Variants in PARD3 observed in about 807,000 individuals in gnomAD.
The protein encoded by PARD3 is partitioning defective 3 homolog.
Under a neutral mutation model 155.4 loss-of-function variants are expected in PARD3, and 75 were observed. The observed-to-expected ratio is 0.48, with a 90% CI of 0.40 to 0.58. The LOEUF (loss-of-function observed/expected upper bound fraction) is 0.58. PARD3 is among the 20% of genes least tolerant of loss of function. PARD3 has a pLI of 0.00. For missense variants in PARD3, 1,642 were observed against 1,721.7 expected, an observed-to-expected ratio of 0.95 and a Z score of 0.82; for synonymous variants, 576 against 610.5, an observed-to-expected ratio of 0.94 and a Z score of 0.83.
chr10:34,750,873 G>A (rs1019577139), intron 1 of PARD3, among the ~76,000 whole-genome samples: 1 of 152,082 alleles, frequency 6.6e-6, no homozygotes, highest in Non-Finnish European at 1.5e-5. Context: ...ATTTTTAGTA[G>A]AGACGGGGTT....
intron 5 of PARD3, among the ~76,000 whole-genome samples, chr10:34,441,031 ATT>A (rs1221263539): frequency 2.0e-5 from 3 of 152,210 alleles, no homozygotes; most frequent in African/African-American, 7.2e-5. Context: ...ACCAGAGATG[ATT>A]TTAAAAGGTT....
intron 22 of PARD3, among the ~76,000 whole-genome samples, chr10:34,203,173 A>C (rs977865007): frequency 3.3e-5 from 5 of 151,002 alleles, no homozygotes; most frequent in African/African-American, 1.2e-4. Context: ...GTACACTGCA[A>C]GAGAGAGAGA....
intron 21 of PARD3, among the ~76,000 whole-genome samples, chr10:34,270,113 C>G (rs1955540763): frequency 6.6e-6 from 1 of 150,456 alleles, no homozygotes; most frequent in South Asian, 2.1e-4. Flanking sequence ...TTGTTCATGT[C>G]TACAAGATTG....
chr10:34,272,791 C>T (rs1955685201), intron 21 of PARD3, among the ~76,000 whole-genome samples: 3 of 152,012 alleles, frequency 2.0e-5, no homozygotes, highest in Non-Finnish European at 4.4e-5. Flanking sequence ...AATGAGAAAA[C>T]AATCCAATTA....
In PARD3 at chr10:34,578,622, G is replaced by T. The variant is rs550338299; in HGVS notation, c.223-61463C>A. 7.8e-4 allele frequency among the ~76,000 whole-genome samples: 119 copies of T among 152,282 alleles called. 6 individuals are homozygous for T. The South Asian group carries it at 0.024, about 31-fold the overall frequency. On this transcript the variant is annotated intron_variant, in intron 2 of 24. Coordinates refer to ENST00000374788, the MANE Select transcript of PARD3 (RefSeq NM_001184785.2). ...TCTATTAGCCCATTTTACATATGAA[G>T]AAACTGAAGCTGTAGGTGGTCAAAC...
intron 11 of PARD3, among the ~76,000 whole-genome samples, chr10:34,374,574 C>T (rs768332269): frequency 2.0e-5 from 3 of 152,066 alleles, no homozygotes; most frequent in Non-Finnish European, 4.4e-5. Context: ...CTGAAATAAT[C>T]GGCGTCTCTG....
chr10:34,147,687 T>C (rs886072099), intron 22 of PARD3, among the ~76,000 whole-genome samples: 2 of 151,912 alleles, frequency 1.3e-5, no homozygotes, highest in Admixed American at 1.3e-4. Flanking sequence ...AATATGATTA[T>C]AGATTTTTAA....
intron 22 of PARD3, among the ~76,000 whole-genome samples, chr10:34,166,211 G>C (rs1274951885): frequency 6.6e-6 from 1 of 152,094 alleles, no homozygotes; most frequent in Non-Finnish European, 1.5e-5. Flanking sequence ...CCAAAGCATG[G>C]ACTATGCTTT....
intron 2 of PARD3, among the ~76,000 whole-genome samples, chr10:34,688,528 G>C (rs767790421): frequency 3.3e-5 from 5 of 152,204 alleles, no homozygotes; most frequent in Non-Finnish European, 7.4e-5. Flanking sequence ...GAGATGCTAA[G>C]AGTAAACACG....
At chr10:34,585,458 T>C (rs1486510839) in intron 2 of PARD3, among the ~76,000 whole-genome samples, 1 of 152,094 alleles carries the variant, frequency 6.6e-6, no homozygotes, top group Non-Finnish European at 1.5e-5. Context: ...TTAAAAAAAA[T>C]CTGCTAAACT....
rs1460912630 is a variant in PARD3 at position 34,360,250 on chromosome 10, C to A, written c.1717G>T (p.Asp573Tyr). The change falls in exon 13 of 25, where the codon GAT becomes TAT. Residue 573 changes from aspartate to tyrosine, a missense_variant. By Grantham distance (160) the Asp-to-Tyr change is radical. Transcript: ENST00000374788. ...MQIPKETKAE[D>Y]EDIVLTPDGT... ...TCAGGTGTAAGAACAATATCCTCATCTTCTGCTTTCTAATAGGGAACAAAA... is the reference window on the plus strand; with the variant it reads ...TCAGGTGTAAGAACAATATCCTCATATTCTGCTTTCTAATAGGGAACAAAA... The A allele has an allele frequency of 4.3e-6, 7 of 1,611,920 alleles. No homozygotes were observed. Among genetic ancestry groups the A allele is most frequent in the Non-Finnish European group, 5.1e-6 (6 of 1,177,972 alleles).
At chr10:34,404,137 G>T (rs145367358) in intron 5 of PARD3, among the ~76,000 whole-genome samples, 9 of 152,272 alleles carry the variant, frequency 5.9e-5, no homozygotes, top group Non-Finnish European at 1.2e-4. Flanking sequence ...AGTTTGGATG[G>T]CAACATTCAC....
chr10:34,123,866 G>T (rs908160679), intron 23 of PARD3, among the ~76,000 whole-genome samples: 13 of 152,248 alleles, frequency 8.5e-5, no homozygotes, highest in African/African-American at 3.1e-4. Flanking sequence ...GAACAAACAT[G>T]AATATCCACA....
chr10:34,330,775 A>G (rs1329985433), intron 19 of PARD3, among the ~76,000 whole-genome samples: 1 of 152,202 alleles, frequency 6.6e-6, no homozygotes, highest in African/African-American at 2.4e-5. Context: ...CAAAAAATAT[A>G]TATATTCCAA....
chr10:34,731,580 T>TA (rs2094818345), intron 1 of PARD3, among the ~76,000 whole-genome samples: 1 of 152,210 alleles, frequency 6.6e-6, no homozygotes, highest in Non-Finnish European at 1.5e-5. Context: ...TATTTGCCAT[T>TA]AAAATCACAG....
intron 22 of PARD3, among the ~76,000 whole-genome samples, chr10:34,139,119 T>C (rs759320844): frequency 6.6e-6 from 1 of 152,214 alleles, no homozygotes; most frequent in Non-Finnish European, 1.5e-5. Flanking sequence ...CCAGCCAGCA[T>C]TCAAAGTCCT....
intron 1 of PARD3, among the ~76,000 whole-genome samples, chr10:34,751,665 G>A (rs1836051639): frequency 1.3e-5 from 2 of 151,912 alleles, no homozygotes; most frequent in African/African-American, 4.8e-5. Context: ...GTGTTGTGGG[G>A]CCATCATACC....
chr10:34,377,827 G>C (rs1841409674), intron 10 of PARD3, 140 bp downstream of exon 10: 2 of 537,100 alleles, frequency 3.7e-6, no homozygotes, highest in East Asian at 6.5e-5. Context: ...ACATAAAACA[G>C]AAACACATTT....
intron 22 of PARD3, among the ~76,000 whole-genome samples, chr10:34,171,012 G>A (rs962058467): frequency 6.6e-6 from 1 of 152,010 alleles, no homozygotes; most frequent in African/African-American, 2.4e-5. Flanking sequence ...CTAAATTTAG[G>A]GATAGATGTC....
Sources: allele counts gnomAD v4.1 joint callset (sites outside exome capture counted in the v4.1 genomes callset), GRCh38; gene constraint gnomAD v4.1.1; transcripts MANE v1.5; gene names NCBI Gene and HGNC (gene_info 2026-07-23, HGNC 2026-07-21).